Variants in EYS observed in about 807,000 individuals in gnomAD.
EYS encodes the protein EGF-like photoreceptor maintenance factor.
In EYS, 250 loss-of-function variants were observed where a neutral mutation model predicts 282.1. The observed-to-expected ratio is 0.89, with a 90% CI of 0.80 to 0.98. The LOEUF is 0.98. Among genes scored for constraint, EYS ranks in the 50% least tolerant of loss-of-function variants. EYS has a pLI of 0.00. For missense variants in EYS, 4,016 were observed against 3,709.0 expected, an observed-to-expected ratio of 1.08 and a Z score of -2.15; for synonymous variants, 1,355 against 1,282.9, an observed-to-expected ratio of 1.06 and a Z score of -1.20.
chr6:64,644,340 C>A (rs886536103), intron 22 of EYS, among the ~76,000 whole-genome samples: 2 of 151,750 alleles, frequency 1.3e-5, no homozygotes, highest in African/African-American at 4.8e-5. Flanking sequence ...TTGCAGTTGA[C>A]AGTATTAAAA....
At chr6:64,802,757 A>T (rs1764286321) in intron 22 of EYS, among the ~76,000 whole-genome samples, 1 of 152,176 alleles carries the variant, frequency 6.6e-6, no homozygotes, top group Non-Finnish European at 1.5e-5. Flanking sequence ...AAAATCAGTT[A>T]TTTGCCAATT....
intron 21 of EYS, among the ~76,000 whole-genome samples, chr6:64,820,174 A>C (rs1195851568): frequency 1.3e-5 from 2 of 151,984 alleles, no homozygotes; most frequent in Non-Finnish European, 2.9e-5. Context: ...TTTTAATGGA[A>C]TGATTCCTAA....
chr6:64,393,325 C>CA (rs980722366), intron 28 of EYS, among the ~76,000 whole-genome samples: 26 of 151,992 alleles, frequency 1.7e-4, no homozygotes, highest in Middle Eastern at 3.4e-3. Context: ...AGAGATACAA[C>CA]AAAAAAAGAG....
At chr6:64,587,540 T>A (rs1766271461) in intron 26 of EYS, among the ~76,000 whole-genome samples, 1 of 152,066 alleles carries the variant, frequency 6.6e-6, no homozygotes, top group Non-Finnish European at 1.5e-5. Flanking sequence ...TCCAGTAATA[T>A]GTTTTAGTGA....
chr6:64,468,292 C>A (rs767576051), intron 26 of EYS, among the ~76,000 whole-genome samples: 2 of 152,192 alleles, frequency 1.3e-5, no homozygotes, highest in South Asian at 4.1e-4. Flanking sequence ...AGAACTCACA[C>A]GAAGATTACA....
chr6:65,185,524 C>A (rs1765496609), intron 12 of EYS, among the ~76,000 whole-genome samples: 1 of 151,762 alleles, frequency 6.6e-6, no homozygotes, highest in Non-Finnish European at 1.5e-5. Flanking sequence ...ATTCTAAACA[C>A]AAAATATTGT....
intron 22 of EYS, among the ~76,000 whole-genome samples, chr6:64,736,196 T>C (rs2149956653): frequency 6.6e-6 from 1 of 152,274 alleles, no homozygotes; most frequent in East Asian, 1.9e-4. Flanking sequence ...TGGATTTGAA[T>C]TTATTCTTTC....
At chr6:64,391,536 G>A (rs1443106632) in intron 28 of EYS, among the ~76,000 whole-genome samples, 3 of 152,068 alleles carry the variant, frequency 2.0e-5, no homozygotes, top group Non-Finnish European at 2.9e-5. Flanking sequence ...AGCTTCATAA[G>A]CGAAGGAGAA....
chr6:64,496,928 T>C (rs1180203881), intron 26 of EYS, among the ~76,000 whole-genome samples: 2 of 152,082 alleles, frequency 1.3e-5, no homozygotes, highest in African/African-American at 4.8e-5. Context: ...TGTTGTATAT[T>C]GTAAAGGATT....
intron 33 of EYS, among the ~76,000 whole-genome samples, chr6:64,047,594 G>C (rs1459183351): frequency 6.6e-6 from 1 of 152,206 alleles, no homozygotes; most frequent in Non-Finnish European, 1.5e-5. Flanking sequence ...GCTGTTTATA[G>C]AATTAGGTGA....
intron 5 of EYS, among the ~76,000 whole-genome samples, chr6:65,441,392 A>G (rs1768322186): frequency 1.3e-5 from 2 of 151,886 alleles, no homozygotes; most frequent in Non-Finnish European, 2.9e-5. Flanking sequence ...TCATGAACAG[A>G]TTTTCCCATT....
intron 35 of EYS, among the ~76,000 whole-genome samples, chr6:63,915,439 T>A (rs2149740374): frequency 6.6e-6 from 1 of 152,284 alleles, no homozygotes; most frequent in Middle Eastern, 3.4e-3. Flanking sequence ...AAAGCTTTGT[T>A]GGAGAGGCAC....
chr6:64,540,514 G>A (rs1019040160), intron 26 of EYS, among the ~76,000 whole-genome samples: 1 of 129,104 alleles, frequency 7.7e-6, no homozygotes, highest in African/African-American at 2.9e-5. Context: ...ATGGAGTCTA[G>A]GTCTGTCACC....
Position 64,767,312 on chromosome 6 carries a change from A to G in EYS, c.3443+46066T>C, listed in dbSNP as rs141576370. On this transcript the variant is annotated intron_variant, in intron 22 of 42. Coordinates refer to ENST00000503581, the MANE Select transcript of EYS (RefSeq NM_001142800.2). ...TCCTCCTCTAGCTAGTTGAAAGTAT[A>G]TAAGATATTACTGCTAATTATAGTC... Among the ~76,000 whole-genome samples, 106 of 152,216 alleles carry G rather than the reference A, an allele frequency of 7.0e-4. 2 individuals are homozygous for G. The East Asian group carries it at 0.014, about 20-fold the overall frequency.
At chr6:64,392,393 C>T (rs1415355147) in intron 28 of EYS, among the ~76,000 whole-genome samples, 2 of 150,094 alleles carry the variant, frequency 1.3e-5, no homozygotes, top group Admixed American at 1.3e-4. Flanking sequence ...CTCTCCTCAG[C>T]AAATGTAAAA....
At chr6:64,994,551 C>T (rs1771182612) in intron 14 of EYS, among the ~76,000 whole-genome samples, 1 of 152,004 alleles carries the variant, frequency 6.6e-6, no homozygotes, top group Non-Finnish European at 1.5e-5. Context: ...AATCATCTTT[C>T]TGTTTTTTTA....
At chr6:64,718,944 A>T (rs903385386) in intron 22 of EYS, among the ~76,000 whole-genome samples, 3 of 152,222 alleles carry the variant, frequency 2.0e-5, no homozygotes, top group African/African-American at 7.2e-5. Context: ...TGGATATTCA[A>T]ATAAAGAGTA....
intron 22 of EYS, among the ~76,000 whole-genome samples, chr6:64,746,755 A>G (rs1201056130): frequency 6.6e-6 from 1 of 152,218 alleles, no homozygotes; most frequent in Non-Finnish European, 1.5e-5. Flanking sequence ...TGGAGGATAA[A>G]GCAACTTTGT....
chr6:64,582,741 A>G (rs1457560241), intron 26 of EYS, among the ~76,000 whole-genome samples: 2 of 152,192 alleles, frequency 1.3e-5, no homozygotes, highest in Non-Finnish European at 2.9e-5. Context: ...TGTATTCTCT[A>G]TAGAATGTCA....
Sources: gnomAD v4.1 joint callset for allele counts (sites outside exome capture counted in the v4.1 genomes callset) on GRCh38, gnomAD v4.1.1 for gene constraint, MANE v1.5 for transcripts, NCBI Gene and HGNC (gene_info 2026-07-23, HGNC 2026-07-21) for gene names.